The following CHN1 variants were observed in gnomAD, a reference collection of about 807,000 sequenced individuals.
CHN1 encodes the protein chimerin 1.
Under a neutral mutation model 59.5 loss-of-function variants are expected in CHN1, and 37 were observed. The ratio of observed to expected loss-of-function variants is 0.62; its 90% CI spans 0.48 to 0.82. The LOEUF is 0.82. Among genes scored for constraint, CHN1 ranks in the 40% least tolerant of loss-of-function variants. The pLI, the probability that CHN1 is intolerant of heterozygous loss-of-function variation, is 0.00. For synonymous variants in CHN1, 206 were observed against 200.4 expected, an observed-to-expected ratio of 1.03 and a Z score of -0.24; for missense variants, 469 against 571.0, an observed-to-expected ratio of 0.82 and a Z score of 1.82.
At chr2:174,880,623 T>C (rs775644123) in intron 5 of CHN1, among the ~76,000 whole-genome samples, 2 of 152,180 alleles carry the variant, frequency 1.3e-5, no homozygotes, top group Non-Finnish European at 2.9e-5. Flanking sequence ...ATTCAACAAA[T>C]AGTTAACAAA....
chr2:174,819,610 A>G (rs1452638510), intron 8 of CHN1, among the ~76,000 whole-genome samples: 3 of 152,214 alleles, frequency 2.0e-5, no homozygotes, highest in Admixed American at 6.5e-5. Context: ...AAAGAAAAAT[A>G]CTATTCAAGG....
intron 1 of CHN1, among the ~76,000 whole-genome samples, chr2:174,993,261 T>C (rs983774040): frequency 2.0e-5 from 3 of 152,156 alleles, no homozygotes; most frequent in Non-Finnish European, 4.4e-5. Context: ...GCTTCATGGT[T>C]ATAAATTCCT....
intron 2 of CHN1, among the ~76,000 whole-genome samples, chr2:174,947,314 C>T (rs1689869558): frequency 6.6e-6 from 1 of 152,064 alleles, no homozygotes; most frequent in Non-Finnish European, 1.5e-5. Flanking sequence ...ATAGTATTTT[C>T]TTAACATTAA....
chr2:174,893,254 T>C (rs548251425), intron 5 of CHN1, among the ~76,000 whole-genome samples: 3 of 152,222 alleles, frequency 2.0e-5, no homozygotes, highest in African/African-American at 7.2e-5. Flanking sequence ...TCAGAACCAA[T>C]AAATGAATTT....
intron 1 of CHN1, among the ~76,000 whole-genome samples, chr2:174,971,634 A>G (rs1559004056): frequency 6.6e-6 from 1 of 152,192 alleles, no homozygotes; most frequent in Non-Finnish European, 1.5e-5. Flanking sequence ...GTCTCAAAAC[A>G]ATGTTATAAG....
chr2:174,830,810 C>A (rs2105410789), intron 7 of CHN1, among the ~76,000 whole-genome samples: 1 of 152,240 alleles, frequency 6.6e-6, no homozygotes, highest in Middle Eastern at 3.4e-3. Context: ...ATAGAGGTGG[C>A]CACACGGGAG....
At chr2:174,884,436 C>A (rs955732483) in intron 5 of CHN1, among the ~76,000 whole-genome samples, 5 of 152,116 alleles carry the variant, frequency 3.3e-5, no homozygotes, top group African/African-American at 1.2e-4. Flanking sequence ...CCAGTAATTG[C>A]AAATAAATCC....
chr2:174,815,564 A>T (rs960550656), intron 8 of CHN1, among the ~76,000 whole-genome samples: 2 of 146,358 alleles, frequency 1.4e-5, no homozygotes, highest in African/African-American at 2.5e-5. Flanking sequence ...GTTCTTCCTA[A>T]TATCTATTTC....
intron 3 of CHN1, among the ~76,000 whole-genome samples, chr2:174,936,012 T>C (rs1689486042): frequency 1.3e-5 from 2 of 152,202 alleles, no homozygotes; most frequent in South Asian, 4.1e-4. Flanking sequence ...ATTGGTATTG[T>C]AGTTAGAATT....
chr2:174,804,402 C>T (rs1684822146), intron 11 of CHN1, among the ~76,000 whole-genome samples: 1 of 152,028 alleles, frequency 6.6e-6, no homozygotes, highest in Non-Finnish European at 1.5e-5. Flanking sequence ...TTAGTGTTTA[C>T]TAAGAGAAAT....
intron 1 of CHN1, among the ~76,000 whole-genome samples, chr2:174,983,621 A>T (rs983688838): frequency 2.0e-5 from 3 of 151,994 alleles, no homozygotes; most frequent in African/African-American, 7.3e-5. Context: ...TAAGGTCAGG[A>T]GTTTGAGACC....
rs559125769 is a variant in CHN1, at chr2:174,847,766, C to T, written c.550-809G>A. The T allele has an allele frequency of 1.5e-3, 478 of 325,162 alleles. 2 individuals carry two copies. Among genetic ancestry groups the T allele is most frequent in the Admixed American group, 4.6e-3 (104 of 22,810 alleles). 20.1% of individuals were successfully genotyped at this position (325,162 alleles called of 1,614,324 possible). Reference sequence around the variant, plus strand: ...CTCATGTAAGTAAGTTTCTTGCTGGCTCAAGGCAAAAAAAAAAAAAAAAAA... The same window carrying T: ...CTCATGTAAGTAAGTTTCTTGCTGGTTCAAGGCAAAAAAAAAAAAAAAAAA... On this transcript the variant is annotated intron_variant, in intron 6 of 12. Transcript: ENST00000409900.
At position 174,813,334 on chromosome 2, in the gene CHN1, A is replaced by AAGGGGTGCGG. The variant is rs564840956; in HGVS notation, c.713-853_713-852insCCGCACCCCT. On this transcript the variant is annotated intron_variant, in intron 8 of 12. Transcript: ENST00000409900. Reference sequence around the variant, plus strand: ...AGACGTATAGGATGAGGTATGGGGAAAGGGGTGTGGAGGTTCCAGCCCTCC... The same window carrying AAGGGGTGCGG: ...AGACGTATAGGATGAGGTATGGGGAAAGGGGTGCGGAGGGGTGTGGAGGTTCCAGCCCTCC... Among the ~76,000 whole-genome samples, 59 of 152,340 alleles carry AAGGGGTGCGG rather than the reference A, an allele frequency of 3.9e-4. No homozygotes were observed. In the South Asian group the frequency reaches 0.012, roughly 30 times the overall value.
intron 6 of CHN1, among the ~76,000 whole-genome samples, chr2:174,869,374 T>C (rs1687330061): frequency 6.6e-6 from 1 of 152,076 alleles, no homozygotes; most frequent in Non-Finnish European, 1.5e-5. Flanking sequence ...GATAATTAGA[T>C]GATATGCTTA....
intron 7 of CHN1, among the ~76,000 whole-genome samples, chr2:174,845,617 G>A (rs913167452): frequency 1.3e-5 from 2 of 151,998 alleles, no homozygotes; most frequent in African/African-American, 4.8e-5. Flanking sequence ...TGTTTAAAGA[G>A]GAAGAAGAAA....
intron 5 of CHN1, among the ~76,000 whole-genome samples, chr2:174,897,292 C>T (rs564315723): frequency 3.9e-5 from 6 of 152,028 alleles, no homozygotes; most frequent in Non-Finnish European, 7.4e-5. Context: ...AAGAGAAATG[C>T]ATTTATTCTT....
intron 5 of CHN1, among the ~76,000 whole-genome samples, chr2:174,887,366 TA>T (rs1290426601): frequency 6.6e-6 from 1 of 152,158 alleles, no homozygotes; most frequent in African/African-American, 2.4e-5. Flanking sequence ...GCAAAAGGCT[TA>T]AAATGTAATA....
At chr2:174,866,217 T>C (rs1340512927) in intron 6 of CHN1, among the ~76,000 whole-genome samples, 2 of 152,184 alleles carry the variant, frequency 1.3e-5, no homozygotes, top group African/African-American at 4.8e-5. Flanking sequence ...CCAGATACTG[T>C]GGATCACTCC....
intron 7 of CHN1, among the ~76,000 whole-genome samples, chr2:174,827,365 C>T (rs905059956): frequency 5.3e-5 from 8 of 152,070 alleles, no homozygotes; most frequent in African/African-American, 1.9e-4. Context: ...AAAATATTTG[C>T]AAAGTGTGAG....
Sources: allele counts gnomAD v4.1 joint callset (sites outside exome capture counted in the v4.1 genomes callset), GRCh38; gene constraint gnomAD v4.1.1; transcripts MANE v1.5; gene names NCBI Gene and HGNC (gene_info 2026-07-23, HGNC 2026-07-21).